ACTR10: variants seen among roughly 807,000 people sequenced by gnomAD.
ACTR10 encodes actin-related protein 10.
Under a neutral mutation model 56.2 loss-of-function variants are expected in ACTR10, and 43 were observed. That is an observed-to-expected ratio of 0.77 (90% CI 0.60 to 0.99). The LOEUF is 0.99. ACTR10 is among the 50% of genes least tolerant of loss of function. ACTR10 has a pLI of 0.00. For synonymous variants in ACTR10, 170 were observed against 176.3 expected (o/e 0.96, Z 0.28); for missense variants, 466 against 507.8 (o/e 0.92, Z 0.79).
Position 58,209,031 on chromosome 14 carries a change from T to A in ACTR10, c.266T>A (p.Val89Asp). ...HLLVNPRDRR[V>D]VIIESVLCPS... ...TTGGTGAATCCCAGAGACCGCCGAG[T>A]TGTGATTATCGAATCGGTATTATGT... is the stretch of plus-strand genomic sequence containing the variant. The change falls in exon 4 of 13, where the codon GTT (valine) becomes GAT (aspartate). Residue 89 changes from valine to aspartate, a missense_variant. Coordinates refer to ENST00000254286, the MANE Select transcript of ACTR10 (RefSeq NM_018477.3). 1 of 1,612,702 alleles carries A rather than the reference T, an allele frequency of 6.2e-7. No homozygotes were observed. The highest frequency in any genetic ancestry group is 8.5e-7 in the Non-Finnish European group (1 of 1,179,324).
chr14:58,220,174 T>A (rs1371494145), intron 8 of ACTR10, among the ~76,000 whole-genome samples: 1 of 152,238 alleles, frequency 6.6e-6, no homozygotes, highest in African/African-American at 2.4e-5. Flanking sequence ...TAGGGTGAAT[T>A]TCTATGATAA....
intron 10 of ACTR10, 131 bp downstream of exon 10, chr14:58,223,987 T>A: frequency 2.6e-6 from 2 of 767,214 alleles, no homozygotes; most frequent in South Asian, 3.8e-5. Context: ...GCCTCATTAT[T>A]CATGATTAAT....
intron 6 of ACTR10, among the ~76,000 whole-genome samples, chr14:58,214,824 G>C (rs553236921): frequency 6.6e-6 from 1 of 150,806 alleles, no homozygotes; most frequent in Non-Finnish European, 1.5e-5. Flanking sequence ...ATAATAATCG[G>C]GCTGGGTGTG....
At chr14:58,232,404 CTTTTTTTTTTTTTTT>C (rs5808963) in intron 12 of ACTR10, 137 bp downstream of exon 12, 42 of 135,746 alleles carry the variant, frequency 3.1e-4, no homozygotes, top group Non-Finnish European at 4.2e-4. Flanking sequence ...CTGACTTTTT[CTTTTTTTTTTTTTTT>C]TTTTTTTTTT....
At chr14:58,216,340 G>C (rs2140052547) in intron 7 of ACTR10, among the ~76,000 whole-genome samples, 1 of 152,178 alleles carries the variant, frequency 6.6e-6, no homozygotes, top group South Asian at 2.1e-4. Context: ...ATGTCGCCTA[G>C]GCTGGTCTCG....
intron 7 of ACTR10, among the ~76,000 whole-genome samples, chr14:58,216,446 A>C (rs992881444): frequency 1.3e-5 from 2 of 152,190 alleles, no homozygotes; most frequent in African/African-American, 4.8e-5. Context: ...CACAAAATAA[A>C]TATAAATACA....
intron 6 of ACTR10, among the ~76,000 whole-genome samples, chr14:58,214,697 G>T (rs1353647170): frequency 6.6e-6 from 1 of 151,356 alleles, no homozygotes; most frequent in African/African-American, 2.4e-5. Context: ...TGCCATGTTG[G>T]CCAGGCTGTT....
chr14:58,207,271 C>T (rs940865511), intron 2 of ACTR10: 2 of 153,092 alleles, frequency 1.3e-5, no homozygotes, highest in Middle Eastern at 3.1e-3. Context: ...GAACTCCTAG[C>T]TTCAGGTGAT....
At chr14:58,224,244 C>T (rs987803030) in intron 10 of ACTR10, among the ~76,000 whole-genome samples, 3 of 152,152 alleles carry the variant, frequency 2.0e-5, no homozygotes, top group South Asian at 2.1e-4. Flanking sequence ...TCAGGTGATC[C>T]GCCTACCTTG....
intron 10 of ACTR10, among the ~76,000 whole-genome samples, chr14:58,226,097 CA>C (rs1189906008): frequency 6.6e-6 from 1 of 151,100 alleles, no homozygotes; most frequent in African/African-American, 2.4e-5. Flanking sequence ...CCTGCCTCTA[CA>C]AAAAAAAATT....
chr14:58,203,034 G>T, intron 2 of ACTR10, 107 bp downstream of exon 2: 1 of 719,490 alleles, frequency 1.4e-6, no homozygotes, highest in Non-Finnish European at 2.2e-6. Flanking sequence ...AGCCGTGGTG[G>T]CTCACGCCTG....
Position 58,216,341 on chromosome 14 carries a change from G to T in ACTR10, c.598+1057G>T, listed in dbSNP as rs200993807. Among the ~76,000 whole-genome samples, 8 of 152,092 alleles carry T rather than the reference G, an allele frequency of 5.3e-5. No homozygotes were observed. In the East Asian group the frequency reaches 1.3e-3, roughly 26 times the overall value. ...GATGGGGTTTTGCCATGTCGCCTAG[G>T]CTGGTCTCGAACTCCTGAGCTCAAG... is the stretch of plus-strand genomic sequence containing the variant. On this transcript the variant is annotated intron_variant, in intron 7 of 12. Coordinates refer to ENST00000254286, the MANE Select transcript of ACTR10 (RefSeq NM_018477.3).
intron 1 of ACTR10, among the ~76,000 whole-genome samples, chr14:58,201,505 C>G (rs1888702879): frequency 6.6e-6 from 1 of 152,076 alleles, no homozygotes; most frequent in Non-Finnish European, 1.5e-5. Context: ...TGCAAGTAAA[C>G]ATGGAGACGG....
chr14:58,232,211 A>C lies in ACTR10; in HGVS notation c.1016A>C (p.Lys339Thr). The change falls in exon 12 of 13, where the codon AAG becomes ACG. Residue 339 changes from lysine (K) to threonine (T), a missense_variant. Transcript: ENST00000254286. ...KPKYKKALGTKTFRIHTPPAK... is the reference protein window; with the variant it reads ...KPKYKKALGTTTFRIHTPPAK... Reference sequence around the variant, plus strand: ...AAATATAAAAAAGCACTTGGCACTAAGACATTTCGAATTCATACTCCACCT... The same window carrying C: ...AAATATAAAAAAGCACTTGGCACTACGACATTTCGAATTCATACTCCACCT... 1 of 1,613,846 alleles carries C rather than the reference A, an allele frequency of 6.2e-7. No individual in the cohort carries two copies.
chr14:58,208,819 A>G (rs1888926353), intron 3 of ACTR10, among the ~76,000 whole-genome samples, 180 bp from the exon 4 acceptor site: 1 of 152,182 alleles, frequency 6.6e-6, no homozygotes, highest in South Asian at 2.1e-4. Flanking sequence ...TTCCTAGCAC[A>G]CTGCACGGTA....
intron 4 of ACTR10, among the ~76,000 whole-genome samples, chr14:58,209,830 A>G (rs1484108701): frequency 2.0e-5 from 3 of 152,228 alleles, no homozygotes; most frequent in East Asian, 3.8e-4. Flanking sequence ...TATTAAGTGA[A>G]TAAGAAATTA....
intron 7 of ACTR10, 82 bp downstream of exon 7, chr14:58,215,366 C>T: frequency 2.4e-6 from 2 of 835,402 alleles, no homozygotes; most frequent in Non-Finnish European, 3.8e-6. Flanking sequence ...TGCTCCATTG[C>T]ATGATTATTC....
At position 58,200,171 on chromosome 14, in the gene ACTR10, T is replaced by C. The variant is rs2140037820; in HGVS notation, c.-47T>C. 1 of 1,411,006 alleles carries C rather than the reference T, an allele frequency of 7.1e-7. No individual in the cohort carries two copies. The highest frequency in any genetic ancestry group is 1.5e-5 in the African/African-American group (1 of 68,174). The allele number at this position is 1,411,006 out of a possible 1,614,324, so 87.4% of individuals were successfully genotyped here. On this transcript the variant is annotated 5_prime_UTR_variant, in exon 1 of 13. Coordinates refer to ENST00000254286, the MANE Select transcript of ACTR10 (RefSeq NM_018477.3). ...CCCGCCCCGCGAGCGCCGAGACTTGTTGGCCGCGGAGACTGCGACCCTCTT... is the reference window on the plus strand; with the variant it reads ...CCCGCCCCGCGAGCGCCGAGACTTGCTGGCCGCGGAGACTGCGACCCTCTT...
chr14:58,210,282 G>A (rs943091671), intron 4 of ACTR10, among the ~76,000 whole-genome samples: 3 of 152,066 alleles, frequency 2.0e-5, no homozygotes, highest in African/African-American at 7.2e-5. Context: ...AAAAAATGTT[G>A]CACAGAGCCA....
Sources: allele counts gnomAD v4.1 joint callset (sites outside exome capture counted in the v4.1 genomes callset), GRCh38; gene constraint gnomAD v4.1.1; transcripts MANE v1.5; gene names NCBI Gene and HGNC (gene_info 2026-07-23, HGNC 2026-07-21).